The following FOXP2 variants were observed in gnomAD, a reference collection of about 807,000 sequenced individuals.
The protein encoded by FOXP2 is forkhead box P2, also known as forkhead box protein P2.
Under a neutral mutation model 115.8 loss-of-function variants are expected in FOXP2, and 12 were observed. That is an observed-to-expected ratio of 0.10 (90% CI 0.07 to 0.17). The LOEUF is 0.17. Ranked by LOEUF, FOXP2 falls within the 10% of genes least tolerant of loss-of-function variation. The pLI is 1.00. For missense variants in FOXP2, 629 were observed against 843.5 expected (o/e 0.75, Z 3.15); for synonymous variants, 328 against 297.7 (o/e 1.10, Z -1.05).
intron 1 of FOXP2, among the ~76,000 whole-genome samples, chr7:114,202,119 G>C (rs1794083194): frequency 6.6e-6 from 1 of 152,210 alleles, no homozygotes; most frequent in Admixed American, 6.5e-5. Flanking sequence ...TACTGATGCA[G>C]ACAATTTAGC....
chr7:114,098,046 G>C lies in FOXP2; in HGVS notation c.-247+10208G>C, dbSNP rs572071940. ...AGCAGTCTTTGTCAAATTGCCTATG[G>C]GACATAGAGCATGAAAAGTGGGGAT... is the stretch of plus-strand genomic sequence containing the variant. On this transcript the variant is annotated intron_variant, in intron 1 of 19. Coordinates refer to the FOXP2 transcript ENST00000635638. Among the ~76,000 whole-genome samples the C allele has an allele frequency of 2.6e-5, 4 of 152,246 alleles. 1 individual carries two copies. The highest frequency in any genetic ancestry group is 3.9e-4 in the East Asian group (2 of 5,188).
chr7:114,524,652 T>A (rs1798778937), intron 2 of FOXP2, among the ~76,000 whole-genome samples: 1 of 152,206 alleles, frequency 6.6e-6, no homozygotes, highest in African/African-American at 2.4e-5. Flanking sequence ...TTTAGAATTA[T>A]AACTGGCATA....
At chr7:114,465,282 CTTTAT>C (rs1189054897) in intron 2 of FOXP2, among the ~76,000 whole-genome samples, 1 of 152,048 alleles carries the variant, frequency 6.6e-6, no homozygotes, top group Non-Finnish European at 1.5e-5. Context: ...TTTTTTAAAG[CTTTAT>C]TTTCACAACT....
At position 114,120,982 on chromosome 7, in the gene FOXP2, A is replaced by G. The variant is rs576697148; in HGVS notation, c.-247+33144A>G. Among the ~76,000 whole-genome samples, 3 of 152,140 alleles carry G rather than the reference A, an allele frequency of 2.0e-5. No homozygotes were observed. The East Asian group carries it at 5.8e-4, about 29-fold the overall frequency. On this transcript the variant is annotated intron_variant, in intron 1 of 19. Transcript: ENST00000635638. Reference sequence around the variant, plus strand: ...ATACAGGACACCAGCAGATTTCTCAACATTGCTAGCTTGTGTACAATATAG... The same window carrying G: ...ATACAGGACACCAGCAGATTTCTCAGCATTGCTAGCTTGTGTACAATATAG...
intron 3 of FOXP2, among the ~76,000 whole-genome samples, chr7:114,539,937 C>T (rs1369874790): frequency 6.6e-6 from 1 of 151,968 alleles, no homozygotes; most frequent in Non-Finnish European, 1.5e-5. Flanking sequence ...AGCCTGTTTC[C>T]TCATCCCTAA....
intron 1 of FOXP2, among the ~76,000 whole-genome samples, chr7:114,222,357 C>G (rs780110697): frequency 6.6e-6 from 1 of 152,038 alleles, no homozygotes; most frequent in African/African-American, 2.4e-5. Flanking sequence ...ACCATGTAGC[C>G]CGGGCTGTTC....
intron 1 of FOXP2, among the ~76,000 whole-genome samples, chr7:114,242,853 T>A (rs888996340): frequency 6.6e-6 from 1 of 152,154 alleles, no homozygotes; most frequent in Non-Finnish European, 1.5e-5. Context: ...CCTCTACTTA[T>A]AAGTAGAAAT....
At chr7:114,510,915 T>C (rs1184200355) in intron 2 of FOXP2, among the ~76,000 whole-genome samples, 2 of 152,170 alleles carry the variant, frequency 1.3e-5, no homozygotes, top group Non-Finnish European at 2.9e-5. Context: ...CGTATGTTTA[T>C]TGTAGCACTG....
chr7:114,441,099 T>A (rs1197682777), intron 2 of FOXP2, among the ~76,000 whole-genome samples: 1 of 152,168 alleles, frequency 6.6e-6, no homozygotes, highest in Non-Finnish European at 1.5e-5. Context: ...TATCCATGTG[T>A]ACATAAGTAA....
At chr7:114,576,550 G>A (rs1236076216) in intron 3 of FOXP2, among the ~76,000 whole-genome samples, 3 of 152,008 alleles carry the variant, frequency 2.0e-5, no homozygotes, top group South Asian at 2.1e-4. Flanking sequence ...ATTGGGGGCT[G>A]ATGAAAGGAT....
intron 1 of FOXP2, among the ~76,000 whole-genome samples, chr7:114,094,904 A>C (rs1197119238): frequency 6.6e-6 from 1 of 152,012 alleles, no homozygotes; most frequent in Non-Finnish European, 1.5e-5. Context: ...CTATTAACTC[A>C]CACCTACTCC....
At chr7:114,460,914 A>G (rs1440786630) in intron 2 of FOXP2, among the ~76,000 whole-genome samples, 1 of 152,024 alleles carries the variant, frequency 6.6e-6, no homozygotes, top group African/African-American at 2.4e-5. Context: ...AGATTTTCAT[A>G]TTTCTTCCTC....
intron 2 of FOXP2, among the ~76,000 whole-genome samples, chr7:114,380,089 T>C (rs1792249414): frequency 6.6e-6 from 1 of 152,194 alleles, no homozygotes; most frequent in South Asian, 2.1e-4. Context: ...TTGGCTTCAA[T>C]ACCCGCTTGG....
At chr7:114,313,829 A>T (rs1797208841) in intron 2 of FOXP2, among the ~76,000 whole-genome samples, 2 of 152,132 alleles carry the variant, frequency 1.3e-5, no homozygotes, top group South Asian at 4.1e-4. Context: ...ACAAGAAAGG[A>T]TATATAATTC....
intron 9 of FOXP2, among the ~76,000 whole-genome samples, chr7:114,652,866 G>T (rs1806354050): frequency 6.6e-6 from 1 of 152,036 alleles, no homozygotes; most frequent in East Asian, 1.9e-4. Context: ...AAATGCGACT[G>T]TTTTAAGTTA....
chr7:114,630,039 T>G lies in FOXP2; in HGVS notation c.597+34T>G, dbSNP rs777179065. The G allele has an allele frequency of 6.9e-6, 11 of 1,603,858 alleles. No individual in the cohort carries two copies. In the South Asian group the frequency reaches 1.2e-4, roughly 18 times the overall value. On this transcript the variant is annotated intron_variant, in intron 5 of 16. Coordinates refer to ENST00000350908, the MANE Select transcript of FOXP2 (RefSeq NM_014491.4). ...CGGTTATCTCATTGATACATAACAGTTTGCAGTTAAGAAGGGGCTTTGAGC... is the reference window on the plus strand; with the variant it reads ...CGGTTATCTCATTGATACATAACAGGTTGCAGTTAAGAAGGGGCTTTGAGC...
At position 114,416,899 on chromosome 7, in the gene FOXP2, C is replaced by CT. The variant is rs903102853; in HGVS notation, c.-11+1549dup. On this transcript the variant is annotated intron_variant, in intron 1 of 16. Transcript: ENST00000350908. The stretch of plus-strand genomic sequence containing the variant: ...CTCTATTAGAAAACAACTTGTTTGA[C>CT]TTTTTTTTTTAAACCCATGTAAAAT... Among the ~76,000 whole-genome samples the CT allele has an allele frequency of 6.0e-3, 888 of 148,498 alleles. 4 individuals carry two copies. Among genetic ancestry groups the CT allele is most frequent in the African/African-American group, 0.021 (837 of 40,618 alleles).
At chr7:114,478,249 C>G (rs986392850) in intron 2 of FOXP2, among the ~76,000 whole-genome samples, 3 of 151,756 alleles carry the variant, frequency 2.0e-5, no homozygotes, top group Non-Finnish European at 4.4e-5. Context: ...TCACCAAACT[C>G]TACAATACCA....
At chr7:114,587,193 C>T (rs1032951026) in intron 3 of FOXP2, among the ~76,000 whole-genome samples, 1 of 151,908 alleles carries the variant, frequency 6.6e-6, no homozygotes, top group Non-Finnish European at 1.5e-5. Context: ...GACCTGCATG[C>T]ATTAGGTATT....
Sources: gnomAD v4.1 joint callset for allele counts (sites outside exome capture counted in the v4.1 genomes callset) on GRCh38, gnomAD v4.1.1 for gene constraint, MANE v1.5 for transcripts, NCBI Gene and HGNC (gene_info 2026-07-23, HGNC 2026-07-21) for gene names.